PPP6R2: variants seen among roughly 807,000 people sequenced by gnomAD.
PPP6R2 encodes protein phosphatase 6 regulatory subunit 2.
PPP6R2 carries 62 observed loss-of-function variants against 100.2 expected under a neutral mutation model. That is an observed-to-expected ratio of 0.62 (90% CI 0.50 to 0.76). The LOEUF (loss-of-function observed/expected upper bound fraction) is 0.76. Ranked by LOEUF, PPP6R2 falls within the 30% of genes least tolerant of loss-of-function variation. PPP6R2 has a pLI of 0.00. For missense variants in PPP6R2, 1,142 were observed against 1,276.3 expected (o/e 0.89, Z 1.60); for synonymous variants, 525 against 514.7 (o/e 1.02, Z -0.27).
rs558002075 is a variant in PPP6R2 at position 50,425,871 on chromosome 22, T to G, written c.1125+2257T>G. 4.9e-5 allele frequency among the ~76,000 whole-genome samples: 7 copies of G among 141,942 alleles called. No homozygotes were observed. In the South Asian group the frequency reaches 6.6e-4, roughly 13 times the overall value. The allele number at this position is 141,942 out of a possible 152,430, so 93.1% of individuals were successfully genotyped here. ...GTCCTTTGACCATTTTTGAATTGAG[T>G]TTTTTTTTTGTTTTTTTTTTTTAGT... is the stretch of plus-strand genomic sequence containing the variant. On this transcript the variant is annotated intron_variant, in intron 10 of 23. Coordinates refer to ENST00000612753, the MANE Select transcript of PPP6R2 (RefSeq NM_001242898.2).
intron 1 of PPP6R2, among the ~76,000 whole-genome samples, chr22:50,359,224 T>C (rs1349075584): frequency 1.0e-5 from 1 of 97,868 alleles, no homozygotes; most frequent in Non-Finnish European, 2.6e-5. Flanking sequence ...GGTCTTTTTT[T>C]TTTTTTTTTT....
chr22:50,370,414 A>G (rs890797787), intron 1 of PPP6R2, among the ~76,000 whole-genome samples: 2 of 151,310 alleles, frequency 1.3e-5, no homozygotes, highest in Non-Finnish European at 2.9e-5. Context: ...CAGCCTCCCG[A>G]GGAGATGGGA....
intron 1 of PPP6R2, among the ~76,000 whole-genome samples, chr22:50,351,154 C>CCGA (rs1447416272): frequency 2.1e-5 from 3 of 142,134 alleles, no homozygotes; most frequent in Non-Finnish European, 4.5e-5. Context: ...GATTCTCCTG[C>CCGA]CTCAGCCTCC....
chr22:50,387,215 C>T (rs2054436161), intron 2 of PPP6R2, among the ~76,000 whole-genome samples: 1 of 152,054 alleles, frequency 6.6e-6, no homozygotes, highest in African/African-American at 2.4e-5. Flanking sequence ...TCCCACACCA[C>T]CATGCCCAGC....
At chr22:50,353,426 A>G (rs938323838) in intron 1 of PPP6R2, among the ~76,000 whole-genome samples, 1 of 152,192 alleles carries the variant, frequency 6.6e-6, no homozygotes, top group Non-Finnish European at 1.5e-5. Context: ...GCGTTTATTA[A>G]GTTTGCTATC....
chr22:50,350,565 G>A lies in PPP6R2; in HGVS notation c.-148+7015G>A, dbSNP rs534658980. ...ATTTCTGAAATAATAAGAAAATTAG[G>A]CTGGGCGCGGTGGCTCACGCCTGTA... On this transcript the variant is annotated intron_variant, in intron 1 of 23. Transcript: ENST00000612753. Among the ~76,000 whole-genome samples the A allele has an allele frequency of 7.2e-5, 11 of 151,888 alleles. No homozygotes were observed. The South Asian group carries it at 2.3e-3, about 32-fold the overall frequency.
chr22:50,437,628 G>C lies in PPP6R2; in HGVS notation c.1781+25G>C, dbSNP rs781102320. On this transcript the variant is annotated intron_variant, in intron 16 of 23. Coordinates refer to ENST00000612753, the MANE Select transcript of PPP6R2 (RefSeq NM_001242898.2). ...AGTGAGTCTACTTGGAGCGCACTCT[G>C]CACGAGGCGCGGCTCTCCCTGCTGC... is the stretch of plus-strand genomic sequence containing the variant. 3 of 1,561,914 alleles carry C rather than the reference G, an allele frequency of 1.9e-6. No individual in the cohort carries two copies. The African/African-American group carries it at 4.1e-5, about 21-fold the overall frequency.
At chr22:50,365,955 G>T (rs2048688511) in intron 1 of PPP6R2, among the ~76,000 whole-genome samples, 1 of 151,934 alleles carries the variant, frequency 6.6e-6, no homozygotes, top group South Asian at 2.1e-4. Flanking sequence ...CCTCATTATG[G>T]TTTATGATTT....
rs1407798778 is a variant in PPP6R2 at position 50,431,310 on chromosome 22, T to A, written c.1263T>A (p.His421Gln). 1 of 1,613,174 alleles carries A rather than the reference T, an allele frequency of 6.2e-7. No individual in the cohort carries two copies. The highest frequency in any genetic ancestry group is 1.3e-5 in the African/African-American group (1 of 74,922). The change falls in exon 11 of 24, where the codon CAT (histidine) becomes CAA (glutamine). Residue 421 changes from histidine (H) to glutamine (Q), a missense_variant. By Grantham distance (24) the His-to-Gln change is conservative. Coordinates refer to ENST00000612753, the MANE Select transcript of PPP6R2 (RefSeq NM_001242898.2). This position sits in a 1 kb window ranked among gnomAD's most constrained non-coding sequence, Gnocchi z 4.8. The stretch of plus-strand genomic sequence containing the variant: ...CCGAGAGCAGGGTGGAGCCTCCGCA[T>A]GAGAACGGGAACCGGAGCCTGGAGA... ...SGSESRVEPP[H>Q]ENGNRSLETP... is the part of the protein sequence containing the mutation.
chr22:50,422,956 G>C (rs994516146), intron 9 of PPP6R2, among the ~76,000 whole-genome samples: 6 of 152,230 alleles, frequency 3.9e-5, no homozygotes, highest in African/African-American at 1.4e-4. Flanking sequence ...TTTCAGTGAA[G>C]AGAAGGTAGG....
At chr22:50,439,350 A>G (rs9617005) in intron 19 of PPP6R2, among the ~76,000 whole-genome samples, 26,626 of 152,108 alleles carry the variant, frequency 0.18, 2,940 homozygotes, top group East Asian at 0.24. Flanking sequence ...GGAAGGGGCC[A>G]GTGGTGCTCG....
At chr22:50,372,973 C>T (rs1441838857) in intron 2 of PPP6R2, among the ~76,000 whole-genome samples, 2 of 152,022 alleles carry the variant, frequency 1.3e-5, no homozygotes, top group Non-Finnish European at 2.9e-5. Flanking sequence ...AGGCGTGAGC[C>T]ACCGCGCCCT....
chr22:50,339,396 TGGTATGTGGTGTGTGTGTAG>T, upstream of PPP6R2, among the ~76,000 whole-genome samples: 1 of 140,808 alleles, frequency 7.1e-6, no homozygotes, highest in South Asian at 2.3e-4. Flanking sequence ...AGTGTGTGTG[TGGTATGTGGTGTGTGTGTAG>T]GGTGTGTGGT....
At chr22:50,331,922 A>G in the PPP6R2 span, among the ~76,000 whole-genome samples, 2 of 151,152 alleles carry the variant, frequency 1.3e-5, no homozygotes, top group African/African-American at 2.4e-5. Context: ...ATCCGGCCCT[A>G]TTTTATTTTA....
chr22:50,426,680 C>T (rs1051018603), intron 10 of PPP6R2, among the ~76,000 whole-genome samples: 1 of 152,074 alleles, frequency 6.6e-6, no homozygotes. Flanking sequence ...ACAAAAAATA[C>T]AAAAATTAGC....
At chr22:50,401,914 G>T (rs999860754) in intron 3 of PPP6R2, among the ~76,000 whole-genome samples, 1 of 152,214 alleles carries the variant, frequency 6.6e-6, no homozygotes, top group Non-Finnish European at 1.5e-5. Flanking sequence ...GGTTACAGGC[G>T]TGAGCCACCA....
intron 2 of PPP6R2, among the ~76,000 whole-genome samples, chr22:50,377,900 A>G (rs2148626230): frequency 6.6e-6 from 1 of 152,094 alleles, no homozygotes; most frequent in Non-Finnish European, 1.5e-5. Context: ...CCAGCTACTC[A>G]CGAGGCTGAG....
upstream of PPP6R2, among the ~76,000 whole-genome samples, chr22:50,338,955 TGGGTGTGTA>T (rs1321387383): frequency 4.4e-5 from 5 of 113,654 alleles, no homozygotes; most frequent in South Asian, 3.0e-4. Context: ...TAGGGTGTGG[TGGGTGTGTA>T]GGGTGTGTGG....
intron 11 of PPP6R2, 92 bp from the exon 12 acceptor site, chr22:50,432,173 G>A (rs1051681441): frequency 9.0e-6 from 11 of 1,221,984 alleles, no homozygotes; most frequent in East Asian, 2.6e-5. Flanking sequence ...AGACGTGGCC[G>A]CCAGCCAGCC....
Sources: gnomAD v4.1 joint callset for allele counts (sites outside exome capture counted in the v4.1 genomes callset) on GRCh38, gnomAD v4.1.1 for gene constraint, Gnocchi (gnomAD v3.1) non-coding constraint, MANE v1.5 for transcripts, NCBI Gene and HGNC (gene_info 2026-07-23, HGNC 2026-07-21) for gene names.